The following TRPM3 variants were observed in gnomAD, a reference collection of about 807,000 sequenced individuals.
TRPM3 encodes long transient receptor potential channel 3.
A neutral mutation model predicts 181.2 loss-of-function variants in TRPM3; 77 were observed. That is an observed-to-expected ratio of 0.42 (90% CI 0.35 to 0.51). The LOEUF is 0.51. TRPM3 is among the 20% of genes least tolerant of loss of function. The pLI is 0.01. For missense variants in TRPM3, 1,759 were observed against 2,196.7 expected (o/e 0.80, Z 3.98); for synonymous variants, 745 against 796.4 (o/e 0.94, Z 1.09).
chr9:70,780,688 C>T (rs1462915657), intron 7 of TRPM3, among the ~76,000 whole-genome samples: 1 of 152,108 alleles, frequency 6.6e-6, no homozygotes, highest in Admixed American at 6.5e-5. Context: ...CACAGAGAAA[C>T]ATTCTGCCTT....
In TRPM3 at chr9:71,242,938, T is replaced by A. The variant is rs186884097; in HGVS notation, c.183+203715A>T. On this transcript the variant is annotated intron_variant, in intron 1 of 24. Coordinates refer to the TRPM3 transcript ENST00000357533. ...GTCATTTTGCCCTGTTTGCCCGATTTAATACCAAACCAGTGTAGCTGGGGT... is the reference window on the plus strand; with the variant it reads ...GTCATTTTGCCCTGTTTGCCCGATTAAATACCAAACCAGTGTAGCTGGGGT... Among the ~76,000 whole-genome samples, 47 of 152,320 alleles carry A rather than the reference T, an allele frequency of 3.1e-4. 1 individual carries two copies. Among genetic ancestry groups the A allele is most frequent in the Admixed American group, 2.6e-3 (40 of 15,296 alleles).
At chr9:71,215,520 G>A (rs2079811611) in intron 1 of TRPM3, among the ~76,000 whole-genome samples, 2 of 152,184 alleles carry the variant, frequency 1.3e-5, no homozygotes, top group Non-Finnish European at 2.9e-5. Context: ...TGGCTTAAGA[G>A]AGTCCTTCCA....
intron 3 of TRPM3, among the ~76,000 whole-genome samples, chr9:70,854,216 C>G (rs772903494): frequency 1.4e-4 from 21 of 152,206 alleles, no homozygotes; most frequent in Non-Finnish European, 2.9e-4. Flanking sequence ...AACAAGAAGT[C>G]TTCCTAATGA....
At chr9:71,160,479 C>G (rs1055542720) in intron 1 of TRPM3, among the ~76,000 whole-genome samples, 4 of 152,260 alleles carry the variant, frequency 2.6e-5, no homozygotes, top group African/African-American at 9.6e-5. Flanking sequence ...ATTTCCTTAA[C>G]CCACGTCATA....
intron 1 of TRPM3, among the ~76,000 whole-genome samples, chr9:71,420,753 GAGAAAGAGAGAGAA>G (rs2093728989): frequency 1.9e-5 from 2 of 104,016 alleles, no homozygotes; most frequent in African/African-American, 8.5e-5. Flanking sequence ...GAGAAAGAGA[GAGAAAGAGAGAGAA>G]AGAGAGAGAA....
At chr9:70,882,766 T>G (rs2096016520) in intron 1 of TRPM3, among the ~76,000 whole-genome samples, 1 of 152,154 alleles carries the variant, frequency 6.6e-6, no homozygotes, top group African/African-American at 2.4e-5. Flanking sequence ...ATAATGTTGA[T>G]CATATGAGGT....
At chr9:71,421,854 T>C (rs1326311804) in intron 1 of TRPM3, among the ~76,000 whole-genome samples, 1 of 152,022 alleles carries the variant, frequency 6.6e-6, no homozygotes, top group East Asian at 1.9e-4. Context: ...TAAAATCTTA[T>C]GGGACCAGTG....
intron 1 of TRPM3, among the ~76,000 whole-genome samples, chr9:71,133,182 T>A (rs1418938139): frequency 6.6e-6 from 1 of 152,110 alleles, no homozygotes; most frequent in South Asian, 2.1e-4. Context: ...TTAATTTAAA[T>A]TAATTTTTGG....
chr9:70,592,695 G>T (rs1220114317), intron 21 of TRPM3, among the ~76,000 whole-genome samples: 2 of 152,140 alleles, frequency 1.3e-5, no homozygotes, highest in Non-Finnish European at 2.9e-5. Flanking sequence ...CAATGATAAT[G>T]GAGGCTTCAA....
intron 1 of TRPM3, among the ~76,000 whole-genome samples, chr9:70,948,420 T>C (rs760556645): frequency 6.6e-6 from 1 of 152,206 alleles, no homozygotes; most frequent in Non-Finnish European, 1.5e-5. Context: ...TTCTGACCTT[T>C]CCTTGTTTTT....
At chr9:70,538,389 C>T (rs758235891) in intron 25 of TRPM3, among the ~76,000 whole-genome samples, 2 of 152,074 alleles carry the variant, frequency 1.3e-5, no homozygotes, top group Non-Finnish European at 2.9e-5. Flanking sequence ...CCTTGGCCTC[C>T]CAAAGTGCTG....
intron 1 of TRPM3, among the ~76,000 whole-genome samples, chr9:71,382,141 G>C (rs2092815404): frequency 6.6e-6 from 1 of 152,000 alleles, no homozygotes. Flanking sequence ...AGCATTATTA[G>C]CTATATAGCC....
chr9:71,420,801 AAGAGAGAAAGAAAG>A (rs1332404544), intron 1 of TRPM3, among the ~76,000 whole-genome samples: 4 of 2,792 alleles, frequency 1.4e-3, no homozygotes, highest in African/African-American at 4.7e-3. Context: ...GAGAGAAAGA[AAGAGAGAAAGAAAG>A]AGAGAAAGAG....
rs145576567 is a variant in TRPM3, at chr9:71,389,313, TA to T, written c.183+57339del. On this transcript the variant is annotated intron_variant, in intron 1 of 24. Coordinates refer to the TRPM3 transcript ENST00000357533. Reference sequence around the variant, plus strand: ...TAACTCCTGTATGAATGGCCATAATTAAAAAAAAAAATCAAAAAACAGATGT... The same window carrying T: ...TAACTCCTGTATGAATGGCCATAATTAAAAAAAAAATCAAAAAACAGATGT... 5.6e-3 allele frequency among the ~76,000 whole-genome samples: 823 copies of T among 147,138 alleles called. 4 individuals carry two copies. The highest frequency in any genetic ancestry group is 7.5e-3 in the Admixed American group (110 of 14,744).
At chr9:70,684,118 G>A (rs1383881681) in intron 8 of TRPM3, among the ~76,000 whole-genome samples, 2 of 152,150 alleles carry the variant, frequency 1.3e-5, no homozygotes, top group African/African-American at 2.4e-5. Context: ...CATTTCAGAT[G>A]GAAATTCTTC....
At chr9:70,873,230 G>T (rs979627312) in intron 1 of TRPM3, among the ~76,000 whole-genome samples, 7 of 151,956 alleles carry the variant, frequency 4.6e-5, no homozygotes, top group Admixed American at 3.9e-4. Flanking sequence ...GGAAATAAAT[G>T]TATTGTGTTC....
At chr9:70,694,898 C>A (rs550148310) in intron 8 of TRPM3, among the ~76,000 whole-genome samples, 7 of 152,350 alleles carry the variant, frequency 4.6e-5, no homozygotes, top group Non-Finnish European at 1.0e-4. Context: ...AAATACCACA[C>A]TGTTGATGCT....
intron 1 of TRPM3, among the ~76,000 whole-genome samples, chr9:71,196,107 C>A (rs982172878): frequency 6.6e-6 from 1 of 151,676 alleles, no homozygotes; most frequent in Non-Finnish European, 1.5e-5. Flanking sequence ...CACATGTACT[C>A]CTGAACCCAA....
At chr9:71,146,978 C>G (rs547891047) in intron 1 of TRPM3, among the ~76,000 whole-genome samples, 3 of 152,132 alleles carry the variant, frequency 2.0e-5, no homozygotes, top group African/African-American at 7.2e-5. Context: ...TGGATGTCAT[C>G]TTCTTGCCTC....
Sources: gnomAD v4.1 joint callset for allele counts (sites outside exome capture counted in the v4.1 genomes callset) on GRCh38, gnomAD v4.1.1 for gene constraint, MANE v1.5 for transcripts, NCBI Gene and HGNC (gene_info 2026-07-23, HGNC 2026-07-21) for gene names.